Variants in PTCH1 observed in about 807,000 individuals in gnomAD.
The protein encoded by PTCH1 is patched 1.
In PTCH1, 14 loss-of-function variants were observed where a neutral mutation model predicts 144.6. That is an observed-to-expected ratio of 0.10 (90% CI 0.06 to 0.15). The LOEUF is 0.15. Among genes scored for constraint, PTCH1 ranks in the 10% least tolerant of loss-of-function variants. PTCH1 has a pLI of 1.00. For missense variants in PTCH1, 1,623 were observed against 1,948.3 expected (o/e 0.83, Z 3.14); for synonymous variants, 833 against 793.6 (o/e 1.05, Z -0.83).
intron 1 of PTCH1, chr9:95,507,878 A>G: frequency 8.0e-7 from 1 of 1,243,532 alleles, no homozygotes; most frequent in Non-Finnish European, 1.0e-6. Context: ...GTGCTCCGGA[A>G]AAGGCACACC....
chr9:95,462,078 C>G lies in PTCH1; in HGVS notation c.2561-80G>C, dbSNP rs2274692. ...GTCCTAGCGGGGTGGGCTGAGGAGA[C>G]TGAGCAGGGCAGGGGGCTCTTAGAC... On this transcript the variant is annotated intron_variant, in intron 15 of 23. Transcript: ENST00000331920. The G allele has an allele frequency of 0.36, 560,250 of 1,551,278 alleles. 106,509 individuals are homozygous for G. Among genetic ancestry groups the G allele is most frequent in the African/African-American group, 0.68 (50,105 of 73,652 alleles).
intron 16 of PTCH1, among the ~76,000 whole-genome samples, chr9:95,461,559 A>C (rs1839459829): frequency 6.6e-6 from 1 of 152,164 alleles, no homozygotes; most frequent in Non-Finnish European, 1.5e-5. Context: ...CATTTCTAAC[A>C]TTGGAAAGAG....
At chr9:95,459,850 G>A in intron 16 of PTCH1, 67 bp from the exon 17 acceptor site, 2 of 1,538,498 alleles carry the variant, frequency 1.3e-6, no homozygotes, top group Non-Finnish European at 1.8e-6. Flanking sequence ...TCTGCCTTGA[G>A]AGCACAGAAG....
chr9:95,449,050 G>A lies in PTCH1; in HGVS notation c.3804+19C>T, dbSNP rs773777388. ...CACGGTGGGAAGACCCCTCCCCCTG[G>A]TTCTGCAGAGTCACTTACAGTGGAG... On this transcript the variant is annotated intron_variant, in intron 22 of 23. Transcript: ENST00000331920. This position sits in a 1 kb window ranked among gnomAD's most constrained non-coding sequence, Gnocchi z 5.3. The A allele has an allele frequency of 1.2e-6, 2 of 1,613,832 alleles. No homozygotes were observed. The highest frequency in any genetic ancestry group is 1.1e-5 in the South Asian group (1 of 91,074).
intron 12 of PTCH1, among the ~76,000 whole-genome samples, chr9:95,471,342 CT>C (rs943785204): frequency 9.9e-5 from 15 of 152,282 alleles, no homozygotes; most frequent in African/African-American, 3.6e-4. Context: ...CAAGAGCGTT[CT>C]TCTAAAAACT....
intron 14 of PTCH1, among the ~76,000 whole-genome samples, chr9:95,468,336 C>T (rs1840221033): frequency 6.6e-6 from 1 of 152,172 alleles, no homozygotes; most frequent in African/African-American, 2.4e-5. Context: ...GGATTACAGG[C>T]GTGAGCCACC....
At chr9:95,512,079 G>A (rs1344090809), upstream of PTCH1, among the ~76,000 whole-genome samples, 1 of 152,238 alleles carries the variant, frequency 6.6e-6, no homozygotes, top group Non-Finnish European at 1.5e-5. Flanking sequence ...TGCCCGTAAT[G>A]GATCCGCCTC....
intron 19 of PTCH1, among the ~76,000 whole-genome samples, chr9:95,455,382 T>G (rs1406853628): frequency 6.6e-6 from 1 of 152,216 alleles, no homozygotes; most frequent in Non-Finnish European, 1.5e-5. Context: ...AGTGATTTGG[T>G]CAAGCCCAGT....
At position 95,478,192 on chromosome 9, in the gene PTCH1, G is replaced by T. The variant is rs186008764; in HGVS notation, c.1216-6C>A. 4.4e-4 allele frequency: 715 copies of T among 1,614,160 alleles called. No individual in the cohort carries two copies. The highest frequency in any genetic ancestry group is 5.6e-4 in the Non-Finnish European group (661 of 1,180,050). On this transcript the variant is annotated splice_region_variant and splice_polypyrimidine_tract_variant and intron_variant, in intron 8 of 23. Transcript: ENST00000331920. ...GCGACACTCTGATGAACCACCTGTG[G>T]TCACAACAGAATGCGAAATGCCCAA... is the stretch of plus-strand genomic sequence containing the variant.
intron 12 of PTCH1, among the ~76,000 whole-genome samples, chr9:95,471,036 T>C (rs113756164): frequency 0.011 from 1,612 of 151,768 alleles, 29 homozygotes; most frequent in African/African-American, 0.037. Flanking sequence ...TGAGCCAAGA[T>C]TGCACCACTG....
chr9:95,489,795 A>G (rs1254306353), intron 2 of PTCH1, among the ~76,000 whole-genome samples: 1 of 149,564 alleles, frequency 6.7e-6, no homozygotes, highest in African/African-American at 2.5e-5. Flanking sequence ...GTGGTAGGCT[A>G]TGGATAATTT....
chr9:95,506,732 C>G (rs982186901), intron 1 of PTCH1, 133 bp from the exon 2 acceptor site: 1 of 1,081,720 alleles, frequency 9.2e-7, no homozygotes, highest in Non-Finnish European at 1.2e-6. Context: ...CACGGACTCG[C>G]CCTCGAGACT....
intron 20 of PTCH1, 198 bp downstream of exon 20, chr9:95,453,280 C>G: frequency 1.5e-6 from 1 of 672,754 alleles, no homozygotes; most frequent in South Asian, 1.7e-5. Flanking sequence ...TACAGGCACC[C>G]ACCACCACGC....
At chr9:95,495,578 G>A (rs940227746) in intron 2 of PTCH1, among the ~76,000 whole-genome samples, 2 of 152,068 alleles carry the variant, frequency 1.3e-5, no homozygotes, top group African/African-American at 4.8e-5. Context: ...AGCTAGTCAA[G>A]CAGTTTGGGA....
intron 12 of PTCH1, 23 bp from the exon 13 acceptor site, chr9:95,469,954 G>A (rs760631958): frequency 6.4e-7 from 1 of 1,563,800 alleles, no homozygotes; most frequent in South Asian, 1.1e-5. Flanking sequence ...AAAAAATTCA[G>A]AGGTCACCAA....
intron 20 of PTCH1, chr9:95,452,618 C>T (rs1313018370): frequency 6.6e-6 from 1 of 152,192 alleles, no homozygotes; most frequent in African/African-American, 2.4e-5. Flanking sequence ...TTCACAAAGT[C>T]ATATTCTTAA....
chr9:95,494,379 A>G, intron 2 of PTCH1: 5 of 985,562 alleles, frequency 5.1e-6, no homozygotes, highest in Non-Finnish European at 4.8e-6. Context: ...ACGACGCTGC[A>G]TCTGCCAGGA....
rs1336239601 is a variant in PTCH1 at position 95,469,711 on chromosome 9, AC to A, written c.1847+101del. ...CCCTACGTTCTCCACACCAGCACAAACCCCGTTACCCACATTCCTTTATAAG... is the reference window on the plus strand; with the variant it reads ...CCCTACGTTCTCCACACCAGCACAAACCCGTTACCCACATTCCTTTATAAG... On this transcript the variant is annotated intron_variant, in intron 13 of 23. Transcript: ENST00000331920. 6 of 1,180,766 alleles carry A rather than the reference AC, an allele frequency of 5.1e-6. No individual in the cohort carries two copies. In the African/African-American group the frequency reaches 9.0e-5, roughly 18 times the overall value. 73.1% of individuals were successfully genotyped at this position (1,180,766 alleles called of 1,614,324 possible). A position where few individuals can be genotyped will look rare whatever the true frequency, so the allele number is the denominator to read the frequency against.
intron 12 of PTCH1, among the ~76,000 whole-genome samples, chr9:95,474,769 C>A (rs756869657): frequency 3.9e-5 from 6 of 152,074 alleles, no homozygotes; most frequent in Non-Finnish European, 5.9e-5. Flanking sequence ...TAGGAAAGAG[C>A]TAAACATATT....
Sources: gnomAD v4.1 joint callset for allele counts (sites outside exome capture counted in the v4.1 genomes callset) on GRCh38, gnomAD v4.1.1 for gene constraint, Gnocchi (gnomAD v3.1) non-coding constraint, MANE v1.5 for transcripts, NCBI Gene and HGNC (gene_info 2026-07-23, HGNC 2026-07-21) for gene names.